EFR3A: variants seen among roughly 807,000 people sequenced by gnomAD.
EFR3A encodes protein EFR3 homolog A.
A neutral mutation model predicts 104.4 loss-of-function variants in EFR3A; 76 were observed. The observed-to-expected ratio is 0.73, with a 90% CI of 0.60 to 0.88. The LOEUF is 0.88. Ranked by LOEUF, EFR3A falls within the 40% of genes least tolerant of loss-of-function variation. EFR3A has a pLI of 0.00. For synonymous variants in EFR3A, 330 were observed against 330.0 expected, an observed-to-expected ratio of 1.00 and a Z score of 0.00; for missense variants, 985 against 1,012.5, an observed-to-expected ratio of 0.97 and a Z score of 0.37.
Position 132,010,904 on chromosome 8 carries a change from T to A in EFR3A, c.*9T>A. The A allele has an allele frequency of 6.3e-7, 1 of 1,589,022 alleles. No homozygotes were observed. Among genetic ancestry groups the A allele is most frequent in the South Asian group, 1.1e-5 (1 of 87,782 alleles). On this transcript the variant is annotated 3_prime_UTR_variant, in exon 23 of 23. Transcript: ENST00000254624. ...ATCTGTGTGTGTACTGATCGGCGCATGAAGACCTCAGGATATGATTTGTAA... is the reference window on the plus strand; with the variant it reads ...ATCTGTGTGTGTACTGATCGGCGCAAGAAGACCTCAGGATATGATTTGTAA...
chr8:131,975,728 T>C (rs1286823237), intron 10 of EFR3A, among the ~76,000 whole-genome samples: 1 of 152,128 alleles, frequency 6.6e-6, no homozygotes, highest in African/African-American at 2.4e-5. Flanking sequence ...TATTTTTCCT[T>C]TTTCTAAAAC....
intron 1 of EFR3A, among the ~76,000 whole-genome samples, chr8:131,933,205 C>T (rs1817703388): frequency 6.6e-6 from 1 of 152,120 alleles, no homozygotes; most frequent in African/African-American, 2.4e-5. Context: ...CATTTGATTA[C>T]TTACCTCTGT....
intron 10 of EFR3A, among the ~76,000 whole-genome samples, chr8:131,973,484 C>G (rs957954343): frequency 3.9e-5 from 6 of 152,016 alleles, no homozygotes; most frequent in African/African-American, 1.5e-4. Context: ...AGCCATATTT[C>G]TGTGATACAG....
intron 10 of EFR3A, among the ~76,000 whole-genome samples, chr8:131,970,957 G>A (rs1820021175): frequency 2.0e-5 from 3 of 151,526 alleles, no homozygotes; most frequent in African/African-American, 4.9e-5. Context: ...CCCTATGTGT[G>A]TCTCTTTGTG....
At chr8:132,001,094 G>A (rs3812466) in intron 19 of EFR3A, 50,990 of 152,002 alleles carry the variant, frequency 0.34, 8,959 homozygotes, top group East Asian at 0.61. Context: ...GCCATAAAAT[G>A]TATTACTGAC....
At chr8:131,990,982 T>C (rs774118357) in intron 18 of EFR3A, among the ~76,000 whole-genome samples, 16 of 152,112 alleles carry the variant, frequency 1.1e-4, no homozygotes, top group African/African-American at 3.4e-4. Context: ...ATGACAGATA[T>C]AGCTGGTGTA....
intron 18 of EFR3A, among the ~76,000 whole-genome samples, chr8:131,992,139 A>G (rs1174610600): frequency 6.6e-6 from 1 of 152,024 alleles, no homozygotes; most frequent in Non-Finnish European, 1.5e-5. Flanking sequence ...CCTTATTTTC[A>G]CTTCCGGTGA....
In EFR3A at chr8:131,986,241, T is replaced by C. The variant is rs370901833; in HGVS notation, c.1917T>C (p.His639=). 2.5e-4 allele frequency: 395 copies of C among 1,586,978 alleles called. No homozygotes were observed. The highest frequency in any genetic ancestry group is 3.1e-4 in the Non-Finnish European group (359 of 1,158,264). The change falls in exon 17 of 23, where the codon CAT becomes CAC. Residue 639 remains histidine (H), a synonymous_variant. Transcript: ENST00000254624. The part of the protein sequence containing the change: ...TMEAPYFLPE[H]IFRDKCMLPK... ...AAGCCCCTTATTTTCTACCAGAGCA[T>C]ATCTTCAGAGATAAGTGCATGTATG...
chr8:131,976,017 A>G lies in EFR3A; in HGVS notation c.1160-10A>G, dbSNP rs751632298. On this transcript the variant is annotated splice_polypyrimidine_tract_variant and intron_variant, in intron 10 of 22. Transcript: ENST00000254624. ...TTCAGTTTCTAAAATTTGTCTTAAT[A>G]CTTTCATAGGATTTTTTGGAAGTAA... is the stretch of plus-strand genomic sequence containing the variant. 3.3e-6 allele frequency: 5 copies of G among 1,529,526 alleles called. No individual in the cohort carries two copies. The highest frequency in any genetic ancestry group is 1.9e-5 in the Admixed American group (1 of 52,806). The allele number at this position is 1,529,526 out of a possible 1,614,324, so 94.7% of individuals were successfully genotyped here.
At position 132,010,901 on chromosome 8, in the gene EFR3A, G is replaced by T. The variant is rs748261714; in HGVS notation, c.*6G>T. On this transcript the variant is annotated 3_prime_UTR_variant, in exon 23 of 23. Transcript: ENST00000254624. ...CAGATCTGTGTGTGTACTGATCGGC[G>T]CATGAAGACCTCAGGATATGATTTG... 6.3e-7 allele frequency: 1 copy of T among 1,589,068 alleles called. No individual in the cohort carries two copies. Among genetic ancestry groups the T allele is most frequent in the Non-Finnish European group, 8.6e-7 (1 of 1,162,694 alleles).
intron 1 of EFR3A, among the ~76,000 whole-genome samples, chr8:131,916,276 T>C (rs1816742325): frequency 6.6e-6 from 1 of 152,150 alleles, no homozygotes. Context: ...TGGACTTGGA[T>C]GGTGGTTGTA....
In EFR3A at chr8:131,956,005, A is replaced by G. The variant is rs1818969897; in HGVS notation, c.776+100A>G. 3.7e-6 allele frequency: 5 copies of G among 1,343,362 alleles called. No homozygotes were observed. The East Asian group carries it at 1.2e-4, about 33-fold the overall frequency. The allele number at this position is 1,343,362 out of a possible 1,614,324, so 83.2% of individuals were successfully genotyped here. A position where few individuals can be genotyped will look rare whatever the true frequency, so the allele number is the denominator to read the frequency against. ...AACTACTTTTTTACTTGCATGAGTG[A>G]GTTATTAATGGAACCAGTGTAACAT... On this transcript the variant is annotated intron_variant, in intron 7 of 22. Coordinates refer to ENST00000254624, the MANE Select transcript of EFR3A (RefSeq NM_015137.6).
intron 10 of EFR3A, 76 bp downstream of exon 10, chr8:131,970,719 T>C: frequency 4.5e-6 from 6 of 1,331,522 alleles, no homozygotes; most frequent in Non-Finnish European, 6.1e-6. Flanking sequence ...TCCTGGACTA[T>C]TATAGTACAT....
intron 1 of EFR3A, among the ~76,000 whole-genome samples, chr8:131,913,812 A>G (rs1269265032): frequency 6.6e-6 from 1 of 152,196 alleles, no homozygotes; most frequent in Non-Finnish European, 1.5e-5. Flanking sequence ...AGTGAAGTGT[A>G]AGGTGTCCAA....
intron 12 of EFR3A, 112 bp from the exon 13 acceptor site, chr8:131,978,735 G>A: frequency 1.2e-6 from 1 of 813,194 alleles, no homozygotes; most frequent in Non-Finnish European, 1.7e-6. Flanking sequence ...TTTTCTCCAG[G>A]CTTCTGTCCA....
intron 4 of EFR3A, among the ~76,000 whole-genome samples, chr8:131,947,061 G>A (rs1461680792): frequency 6.6e-6 from 1 of 151,986 alleles, no homozygotes; most frequent in Admixed American, 6.6e-5. Context: ...TATATACTTA[G>A]TAGTGTAATT....
intron 11 of EFR3A, 102 bp downstream of exon 11, chr8:131,976,243 G>GGAATGCTATTAC: frequency 1.3e-6 from 1 of 752,762 alleles, no homozygotes; most frequent in Non-Finnish European, 2.2e-6. Flanking sequence ...AAAATCATTA[G>GGAATGCTATTAC]TAATAGCATT....
rs368929215 is a variant in EFR3A, at chr8:131,940,503, A to G, written c.15A>G (p.Val5=). The G allele has an allele frequency of 3.3e-4, 522 of 1,595,098 alleles. 3 individuals carry two copies. In the African/African-American group the frequency reaches 6.5e-3, roughly 20 times the overall value. The change falls in exon 2 of 23, where the codon GTA becomes GTG. Residue 5 remains valine, a synonymous_variant. Coordinates refer to ENST00000254624, the MANE Select transcript of EFR3A (RefSeq NM_015137.6). MPTR[V]CCCCSALRPR... ...TGATTTTTTTTTTTTTAACAGGAGT[A>G]TGCTGCTGCTGTTCCGCTTTGCGTC...
At chr8:131,910,359 C>T (rs1816458431) in intron 1 of EFR3A, among the ~76,000 whole-genome samples, 1 of 151,724 alleles carries the variant, frequency 6.6e-6, no homozygotes, top group Non-Finnish European at 1.5e-5. Context: ...GCAACCTCCA[C>T]CTCCTGGACT....
Sources: gnomAD v4.1 joint callset for allele counts (sites outside exome capture counted in the v4.1 genomes callset) on GRCh38, gnomAD v4.1.1 for gene constraint, MANE v1.5 for transcripts, NCBI Gene and HGNC (gene_info 2026-07-23, HGNC 2026-07-21) for gene names.